The following ERCC1 variants were observed in gnomAD, a reference collection of about 807,000 sequenced individuals.
ERCC1 encodes ERCC excision repair 1, endonuclease non-catalytic subunit, also known as DNA excision repair protein ERCC-1.
In ERCC1, 36 loss-of-function variants were observed where a neutral mutation model predicts 37.6. That is an observed-to-expected ratio of 0.96 (90% CI 0.73 to 1.26). ERCC1 has a LOEUF of 1.26. Among genes scored for constraint, ERCC1 ranks in the 50% most tolerant of loss-of-function variants. The probability of loss-of-function intolerance (pLI) is 0.00; values close to 1 mark genes in which losing one functional copy is unlikely to be tolerated. For missense variants in ERCC1, 349 were observed against 376.5 expected, an observed-to-expected ratio of 0.93 and a Z score of 0.60; for synonymous variants, 156 against 162.1, an observed-to-expected ratio of 0.96 and a Z score of 0.28.
chr19:45,426,551 C>CAA (rs199743758), upstream of ERCC1, among the ~76,000 whole-genome samples: 12 of 127,638 alleles, frequency 9.4e-5, no homozygotes, highest in African/African-American at 3.1e-4. Context: ...AACTCCATCT[C>CAA]AAAAAAAAAA....
intron 9 of ERCC1, among the ~76,000 whole-genome samples, chr19:45,411,211 G>A (rs1685934203): frequency 6.6e-6 from 1 of 152,188 alleles, no homozygotes; most frequent in African/African-American, 2.4e-5. Context: ...GATGGACACA[G>A]GTTGGTTCTA....
At chr19:45,424,915 T>C (rs1974636047), upstream of ERCC1, among the ~76,000 whole-genome samples, 1 of 135,784 alleles carries the variant, frequency 7.4e-6, no homozygotes, top group Admixed American at 7.2e-5. Flanking sequence ...GATAAATTCT[T>C]TTTTTTCTTT....
chr19:45,448,324 G>C (rs1323608765), intron 1 of ERCC1, among the ~76,000 whole-genome samples: 1 of 152,124 alleles, frequency 6.6e-6, no homozygotes, highest in Admixed American at 6.6e-5. Flanking sequence ...CCAGAGAGCA[G>C]ACAGCTCACC....
upstream of ERCC1, among the ~76,000 whole-genome samples, chr19:45,428,396 G>A (rs927596588): frequency 1.1e-4 from 16 of 152,130 alleles, no homozygotes; most frequent in Admixed American, 1.0e-3. Flanking sequence ...ACTGCTCCCA[G>A]CCTAAGCTGT....
intron 1 of ERCC1, among the ~76,000 whole-genome samples, chr19:45,438,043 G>T (rs1471778128): frequency 2.0e-5 from 3 of 152,014 alleles, no homozygotes; most frequent in Admixed American, 2.0e-4. Context: ...GAGTAGCTGG[G>T]ACTACAGGCG....
At chr19:45,426,037 A>G (rs1040825086), upstream of ERCC1, among the ~76,000 whole-genome samples, 1 of 151,460 alleles carries the variant, frequency 6.6e-6, no homozygotes, top group Non-Finnish European at 1.5e-5. Context: ...TGAGGTCAGG[A>G]GTTCGAGACC....
At chr19:45,437,555 C>T (rs2123592994) in intron 1 of ERCC1, among the ~76,000 whole-genome samples, 1 of 152,230 alleles carries the variant, frequency 6.6e-6, no homozygotes, top group Middle Eastern at 3.4e-3. Flanking sequence ...TTCAAGACAA[C>T]ATGGATGGAA....
At chr19:45,423,462 C>T in intron 1 of ERCC1, 81 bp from the exon 2 acceptor site, 1 of 1,531,384 alleles carries the variant, frequency 6.5e-7, no homozygotes, top group Non-Finnish European at 8.8e-7. Context: ...CACTCACAGC[C>T]GTCCCCCACA....
chr19:45,421,165 T>A lies in ERCC1; in HGVS notation c.321+13A>T, dbSNP rs764902021. 6.2e-7 allele frequency: 1 copy of A among 1,612,566 alleles called. No individual in the cohort carries two copies. On this transcript the variant is annotated intron_variant, in intron 3 of 9. Transcript: ENST00000300853. ...AAAACCTCAAGGCCTCACTTCTCCG[T>A]CTCCCTCCTCACCTGCCGAGGGCTC...
Position 45,409,454 on chromosome 19 carries a change from A to G in ERCC1, c.*221T>C. 1.2e-6 allele frequency: 2 copies of G among 1,612,932 alleles called. No individual in the cohort carries two copies. Among genetic ancestry groups the G allele is most frequent in the South Asian group, 2.2e-5 (2 of 91,010 alleles). ...TTCAGAGTCTGGGGAGGAGGCTCCC[A>G]CAGGCCGGGACAAGAAGCGGAAGCA... On this transcript the variant is annotated 3_prime_UTR_variant, in exon 10 of 10. Transcript: ENST00000300853.
intron 9 of ERCC1, 94 bp from the exon 10 acceptor site, chr19:45,409,819 CT>C: frequency 1.1e-5 from 8 of 714,776 alleles, no homozygotes; most frequent in Non-Finnish European, 1.8e-5. Context: ...TTATTTTCCC[CT>C]ATACCCTCAA....
Position 45,409,381 on chromosome 19 carries a change from G to A in ERCC1, c.*294C>T. 6.2e-7 allele frequency: 1 copy of A among 1,614,102 alleles called. No homozygotes were observed. The highest frequency in any genetic ancestry group is 1.1e-5 in the South Asian group (1 of 91,060). On this transcript the variant is annotated 3_prime_UTR_variant, in exon 10 of 10. Transcript: ENST00000300853. ...GGAAGAAGCAGAGTCAGGAAAGCCG[G>A]ATGCCAGAGACAGTGCCCCAAGAGG...
chr19:45,442,406 A>G (rs1258537578), intron 1 of ERCC1, among the ~76,000 whole-genome samples: 1 of 151,952 alleles, frequency 6.6e-6, no homozygotes, highest in Non-Finnish European at 1.5e-5. Context: ...TCTGATCCCC[A>G]CTTCTCAATA....
At chr19:45,442,946 A>T (rs555102076) in intron 1 of ERCC1, among the ~76,000 whole-genome samples, 59 of 152,160 alleles carry the variant, frequency 3.9e-4, no homozygotes, top group African/African-American at 1.4e-3. Flanking sequence ...GTGATAGCAC[A>T]GCCGGCTTAG....
chr19:45,431,445 G>C lies in ERCC1; in HGVS notation c.-7-8064C>G, dbSNP rs138428832. Among the ~76,000 whole-genome samples, 534 of 152,278 alleles carry C rather than the reference G, an allele frequency of 3.5e-3. 2 individuals carry two copies. The highest frequency in any genetic ancestry group is 0.012 in the African/African-American group (496 of 41,566). On this transcript the variant is annotated intron_variant, in intron 1 of 8. Coordinates refer to the ERCC1 transcript ENST00000423698. ...TGTAATCCCAGCACTTTGGGAGACT[G>C]AGGCGGTGGATCACCTGAGGTCAGG... is the stretch of plus-strand genomic sequence containing the variant.
chr19:45,413,491 G>T, intron 9 of ERCC1, 186 bp downstream of exon 9: 1 of 1,268,272 alleles, frequency 7.9e-7, no homozygotes, highest in Non-Finnish European at 1.2e-6. Flanking sequence ...GCCCAGGCTG[G>T]TCTCCAACTT....
chr19:45,420,526 CTCT>C lies in ERCC1; in HGVS notation c.322-102_322-100del. ...TCTTGCACCTCCTCCCTCCTCCCAC[CTCT>C]TCCCACACCTCCTGCCTCCTCGCAC... On this transcript the variant is annotated intron_variant, in intron 3 of 9. Transcript: ENST00000300853. This position sits in a 1 kb window ranked among gnomAD's most constrained non-coding sequence, Gnocchi z 4.8. 1.3e-6 allele frequency: 1 copy of C among 758,812 alleles called. No homozygotes were observed. Among genetic ancestry groups the C allele is most frequent in the South Asian group, 1.4e-5 (1 of 69,158 alleles). 47.0% of individuals were successfully genotyped at this position (758,812 alleles called of 1,614,324 possible). A position where few individuals can be genotyped will look rare whatever the true frequency, so the allele number is the denominator to read the frequency against.
At chr19:45,410,563 CTTTGTG>C (rs1295121615) in intron 9 of ERCC1, 2 of 69,610 alleles carry the variant, frequency 2.9e-5, no homozygotes, top group African/African-American at 1.6e-4. Flanking sequence ...TTCATTCTTT[CTTTGTG>C]TGTGTGTGTG....
chr19:45,419,533 A>G, intron 4 of ERCC1: 1 of 352,382 alleles, frequency 2.8e-6, no homozygotes, highest in South Asian at 2.5e-5. Context: ...TCGCGGTGGG[A>G]AGCAGGGCCC....
Sources: allele counts gnomAD v4.1 joint callset (sites outside exome capture counted in the v4.1 genomes callset), GRCh38; gene constraint gnomAD v4.1.1; non-coding constraint Gnocchi (gnomAD v3.1); transcripts MANE v1.5; gene names NCBI Gene and HGNC (gene_info 2026-07-23, HGNC 2026-07-21).